Variants in RBFOX3 observed in about 807,000 individuals in gnomAD.
RBFOX3 encodes RNA binding protein fox-1 homolog 3.
RBFOX3 carries 17 observed loss-of-function variants against 48.7 expected under a neutral mutation model. The ratio of observed to expected loss-of-function variants is 0.35; its 90% CI spans 0.24 to 0.52. The LOEUF is 0.52. Among genes scored for constraint, RBFOX3 ranks in the 20% least tolerant of loss-of-function variants. The probability of loss-of-function intolerance (pLI) is 0.94; values close to 1 mark genes in which losing one functional copy is unlikely to be tolerated. For synonymous variants in RBFOX3, 212 were observed against 209.5 expected (o/e 1.01, Z -0.10); for missense variants, 382 against 497.5 (o/e 0.77, Z 2.21).
rs1226715340 is a variant in RBFOX3 at position 79,252,589 on chromosome 17, C to A, written c.-73-16784G>T. ...CTCTGATGGTTCCTCGATGGTAAACCAGTGAGGCTCCTTCCTGACTTCTGC... is the reference window on the plus strand; with the variant it reads ...CTCTGATGGTTCCTCGATGGTAAACAAGTGAGGCTCCTTCCTGACTTCTGC... On this transcript the variant is annotated intron_variant, in intron 3 of 14. Transcript: ENST00000693108. This position sits in a 1 kb window ranked among gnomAD's most constrained non-coding sequence, Gnocchi z 4.0. Among the ~76,000 whole-genome samples the A allele has an allele frequency of 1.3e-5, 2 of 152,172 alleles. No homozygotes were observed. The highest frequency in any genetic ancestry group is 2.9e-5 in the Non-Finnish European group (2 of 68,032).
chr17:79,440,541 C>T (rs1337604493), intron 2 of RBFOX3, among the ~76,000 whole-genome samples: 2 of 152,180 alleles, frequency 1.3e-5, no homozygotes, highest in Non-Finnish European at 2.9e-5. Context: ...CCTCTGCCGA[C>T]CTCTCCCACA....
chr17:79,200,318 T>C (rs1198249933), intron 4 of RBFOX3, among the ~76,000 whole-genome samples: 1 of 152,184 alleles, frequency 6.6e-6, no homozygotes, highest in African/African-American at 2.4e-5. Context: ...CCACAGCCAC[T>C]CCCAGGGAGT....
intron 6 of RBFOX3, 147 bp downstream of exon 6, chr17:79,106,504 G>A (rs968070871): frequency 1.4e-5 from 14 of 993,462 alleles, no homozygotes; most frequent in Non-Finnish European, 1.9e-5. Flanking sequence ...AGGAGGGAAG[G>A]AATCCTGGGG....
intron 1 of RBFOX3, among the ~76,000 whole-genome samples, chr17:79,498,907 T>TCCAC (rs61468608): frequency 6.6e-5 from 9 of 136,088 alleles, no homozygotes; most frequent in Non-Finnish European, 1.4e-4. Context: ...CATCCATCCA[T>TCCAC]ATGGCTACCC....
intron 2 of RBFOX3, among the ~76,000 whole-genome samples, chr17:79,310,650 C>G (rs950168358): frequency 6.6e-6 from 1 of 152,224 alleles, no homozygotes; most frequent in Admixed American, 6.5e-5. Context: ...CCTCCACCCT[C>G]CTCCCGCATT....
intron 1 of RBFOX3, among the ~76,000 whole-genome samples, chr17:79,551,415 ATGGG>A (rs1172998242): frequency 6.6e-6 from 1 of 151,828 alleles, no homozygotes; most frequent in Non-Finnish European, 1.5e-5. Context: ...AAGTGGATGG[ATGGG>A]TGGATAGATG....
At chr17:79,653,883 CA>C in the RBFOX3 span, among the ~76,000 whole-genome samples, 187 of 66,552 alleles carry the variant, frequency 2.8e-3, no homozygotes, top group East Asian at 4.7e-3. Flanking sequence ...TCTCTACCAC[CA>C]AAAAAAAAAA....
intron 3 of RBFOX3, among the ~76,000 whole-genome samples, chr17:79,290,024 G>A (rs1361632165): frequency 1.3e-5 from 2 of 152,164 alleles, no homozygotes; most frequent in East Asian, 1.9e-4. Context: ...CAGACAGAAG[G>A]TGGAGGAGAA....
intron 1 of RBFOX3, among the ~76,000 whole-genome samples, chr17:79,513,312 G>A (rs918089339): frequency 6.6e-5 from 10 of 152,230 alleles, no homozygotes; most frequent in African/African-American, 2.4e-4. Flanking sequence ...ATGGCCAGGT[G>A]ACACACACCC....
chr17:79,130,946 C>A lies in RBFOX3; in HGVS notation c.-33-15198G>T, dbSNP rs183216318. Among the ~76,000 whole-genome samples the A allele has an allele frequency of 5.6e-3, 852 of 152,398 alleles. 3 individuals are homozygous for A. Among genetic ancestry groups the A allele is most frequent in the African/African-American group, 0.02 (824 of 41,600 alleles). ...ACGGTGCGCGGGAATCAGCCCCGCA[C>A]CTGCAAGGCAGCGTGCTCTGCGTGC... On this transcript the variant is annotated intron_variant, in intron 4 of 14. Coordinates refer to ENST00000693108, the MANE Select transcript of RBFOX3 (RefSeq NM_001350451.2).
At chr17:79,632,674 C>T in the RBFOX3 span, among the ~76,000 whole-genome samples, 2 of 149,680 alleles carry the variant, frequency 1.3e-5, no homozygotes, top group Non-Finnish European at 3.0e-5. Flanking sequence ...GAGGCTGAGG[C>T]AGGCAGATCC....
chr17:79,511,064 C>A (rs1202460792), intron 1 of RBFOX3, among the ~76,000 whole-genome samples: 2 of 152,166 alleles, frequency 1.3e-5, no homozygotes, highest in Non-Finnish European at 2.9e-5. Context: ...GCTGTGCTAA[C>A]AGGGAAAGGC....
intron 4 of RBFOX3, among the ~76,000 whole-genome samples, chr17:79,228,755 G>A (rs1280448587): frequency 1.3e-5 from 2 of 152,284 alleles, no homozygotes; most frequent in African/African-American, 2.4e-5. Context: ...ACATTCTGGG[G>A]CATTGCTCTT....
At chr17:79,113,738 CCT>C (rs1482594819) in intron 5 of RBFOX3, among the ~76,000 whole-genome samples, 6 of 152,336 alleles carry the variant, frequency 3.9e-5, no homozygotes, top group Middle Eastern at 3.4e-3. Flanking sequence ...CCCAAGCCAG[CCT>C]CTGTTTCTGA....
chr17:79,104,050 C>T (rs771843820), intron 7 of RBFOX3, 23 bp downstream of exon 7: 8 of 1,546,864 alleles, frequency 5.2e-6, no homozygotes, highest in Admixed American at 2.0e-5. Flanking sequence ...CGCTGTAAGG[C>T]GGCAGCTCCG....
At chr17:79,196,432 G>A (rs552839990) in intron 4 of RBFOX3, among the ~76,000 whole-genome samples, 2 of 152,304 alleles carry the variant, frequency 1.3e-5, no homozygotes, top group East Asian at 1.9e-4. Context: ...AGAATGGGAC[G>A]GCAGTACCTC....
At chr17:79,356,375 T>TTTTTTTTTTG (rs2085111780) in intron 2 of RBFOX3, among the ~76,000 whole-genome samples, 1 of 105,960 alleles carries the variant, frequency 9.4e-6, no homozygotes, top group Non-Finnish European at 1.9e-5. Flanking sequence ...TTTTTTTTTT[T>TTTTTTTTTTG]TTTTTTTTTT....
chr17:79,654,125 G>T, the RBFOX3 span, among the ~76,000 whole-genome samples: 2 of 152,088 alleles, frequency 1.3e-5, no homozygotes, highest in African/African-American at 4.8e-5. Context: ...AATTGTGGAC[G>T]TATACAGCTT....
At chr17:79,478,877 G>A (rs1339919948) in intron 2 of RBFOX3, among the ~76,000 whole-genome samples, 1 of 152,202 alleles carries the variant, frequency 6.6e-6, no homozygotes, top group East Asian at 1.9e-4. Context: ...TAGTTAAAGG[G>A]ATGAGCTTTA....
Sources: gnomAD v4.1 joint callset for allele counts (sites outside exome capture counted in the v4.1 genomes callset) on GRCh38, gnomAD v4.1.1 for gene constraint, Gnocchi (gnomAD v3.1) non-coding constraint, MANE v1.5 for transcripts, NCBI Gene and HGNC (gene_info 2026-07-23, HGNC 2026-07-21) for gene names.